Variants in TENM3 observed in about 807,000 individuals in gnomAD.
TENM3 encodes teneurin transmembrane protein 3.
TENM3 carries 63 observed loss-of-function variants against 255.1 expected under a neutral mutation model. The observed-to-expected ratio is 0.25, with a 90% CI of 0.20 to 0.30. TENM3 has a LOEUF of 0.30. Ranked by LOEUF, TENM3 falls within the 10% of genes least tolerant of loss-of-function variation. TENM3 has a pLI of 1.00. For synonymous variants in TENM3, 1,306 were observed against 1,322.3 expected, an observed-to-expected ratio of 0.99 and a Z score of 0.27; for missense variants, 2,929 against 3,461.1, an observed-to-expected ratio of 0.85 and a Z score of 3.86.
chr4:181,454,673 A>ATTTTTATACTTTTTTTTTTTTTT, the TENM3 span, among the ~76,000 whole-genome samples: 4 of 148,106 alleles, frequency 2.7e-5, no homozygotes, highest in South Asian at 2.1e-4. Flanking sequence ...TTTTTATACC[A>ATTTTTATACTTTTTTTTTTTTTT]TTTTTATACT....
chr4:182,724,713 G>T (rs746993927), intron 13 of TENM3, among the ~76,000 whole-genome samples: 8 of 152,214 alleles, frequency 5.3e-5, no homozygotes, highest in Non-Finnish European at 1.0e-4. Flanking sequence ...CCTAAGGGAA[G>T]ACACTGGCAG....
At chr4:182,226,192 G>C (rs1212996888) in intron 1 of TENM3, among the ~76,000 whole-genome samples, 1 of 152,132 alleles carries the variant, frequency 6.6e-6, no homozygotes, top group Non-Finnish European at 1.5e-5. Flanking sequence ...GCCAGGCTGA[G>C]AGAAAGGAAA....
intron 3 of TENM3, among the ~76,000 whole-genome samples, chr4:182,356,327 A>AC: frequency 6.6e-6 from 1 of 152,210 alleles, no homozygotes; most frequent in East Asian, 1.9e-4. Flanking sequence ...ACATAGTGAG[A>AC]CCCCATCTCA....
At chr4:182,660,776 G>A (rs1205317148) in intron 6 of TENM3, among the ~76,000 whole-genome samples, 3 of 152,092 alleles carry the variant, frequency 2.0e-5, no homozygotes, top group Admixed American at 6.6e-5. Flanking sequence ...GATGTGCCAC[G>A]CACTGAGCAA....
chr4:181,892,616 C>G, the TENM3 span, among the ~76,000 whole-genome samples: 7 of 152,160 alleles, frequency 4.6e-5, no homozygotes, highest in Non-Finnish European at 5.9e-5. Flanking sequence ...CCTCTTAGAG[C>G]ACTCCTAGCC....
At chr4:181,788,189 G>T in the TENM3 span, among the ~76,000 whole-genome samples, 3 of 152,096 alleles carry the variant, frequency 2.0e-5, no homozygotes, top group Non-Finnish European at 4.4e-5. Context: ...GAGCTGCTTA[G>T]ATCTAAATCT....
intron 1 of TENM3, among the ~76,000 whole-genome samples, chr4:182,288,919 A>G (rs1484777527): frequency 1.3e-5 from 2 of 152,180 alleles, no homozygotes; most frequent in African/African-American, 4.8e-5. Flanking sequence ...TTAACTGGCC[A>G]CCGATTTTAA....
At chr4:182,241,175 G>T (rs540994488), upstream of TENM3, among the ~76,000 whole-genome samples, 61 of 152,208 alleles carry the variant, frequency 4.0e-4, no homozygotes, top group African/African-American at 1.5e-3. Flanking sequence ...GCTTCTCTCT[G>T]GTTTACCATT....
At chr4:182,058,753 T>C in the TENM3 span, among the ~76,000 whole-genome samples, 1 of 152,160 alleles carries the variant, frequency 6.6e-6, no homozygotes, top group Non-Finnish European at 1.5e-5. Context: ...TAAGAAATTA[T>C]TTAAGGTTCT....
intron 12 of TENM3, among the ~76,000 whole-genome samples, chr4:182,694,445 A>G (rs10780065): frequency 0.24 from 36,226 of 152,030 alleles, 5,170 homozygotes; most frequent in East Asian, 0.69. Context: ...TGATGATGAA[A>G]GAAAGGTGGA....
At chr4:182,467,319 GA>G (rs567328976) in intron 3 of TENM3, among the ~76,000 whole-genome samples, 140 of 148,212 alleles carry the variant, frequency 9.4e-4, no homozygotes, top group Admixed American at 3.3e-3. Flanking sequence ...TGAACTTTAT[GA>G]TTGTCAACAA....
chr4:182,716,279 A>G (rs769653315), intron 13 of TENM3, among the ~76,000 whole-genome samples: 1 of 152,228 alleles, frequency 6.6e-6, no homozygotes, highest in Non-Finnish European at 1.5e-5. Context: ...AAGTCTGCAG[A>G]GACACTGCCG....
chr4:181,940,360 G>A, the TENM3 span, among the ~76,000 whole-genome samples: 1 of 152,046 alleles, frequency 6.6e-6, no homozygotes, highest in East Asian at 1.9e-4. Context: ...CTCATACAGT[G>A]TACACATATT....
intron 22 of TENM3, 144 bp downstream of exon 22, chr4:182,755,403 A>G (rs773164274): frequency 7.0e-5 from 55 of 781,902 alleles, no homozygotes; most frequent in Non-Finnish European, 1.0e-4. Flanking sequence ...CCGGCTGGGC[A>G]CGGTGGCTCA....
the TENM3 span, among the ~76,000 whole-genome samples, chr4:181,633,974 A>G: frequency 6.6e-6 from 1 of 152,212 alleles, no homozygotes; most frequent in African/African-American, 2.4e-5. Flanking sequence ...CTCCTCTTTC[A>G]CCTTCTTCCA....
the TENM3 span, among the ~76,000 whole-genome samples, chr4:181,610,990 C>G: frequency 6.6e-6 from 1 of 152,262 alleles, no homozygotes; most frequent in African/African-American, 2.4e-5. Flanking sequence ...CAACTGACCT[C>G]AAGTTTGTTA....
the TENM3 span, among the ~76,000 whole-genome samples, chr4:181,670,890 A>C: frequency 6.6e-6 from 1 of 152,356 alleles, no homozygotes; most frequent in South Asian, 2.1e-4. Context: ...AGCAGAAAAA[A>C]GCCAGCATTG....
intron 17 of TENM3, among the ~76,000 whole-genome samples, chr4:182,737,821 A>AT (rs768637027): frequency 1.3e-5 from 2 of 152,154 alleles, no homozygotes; most frequent in Admixed American, 6.5e-5. Context: ...TTCTCCTTTC[A>AT]TTTTTTCTCA....
chr4:182,100,874 T>TATATATATATATACTCATATATATAC, the TENM3 span, among the ~76,000 whole-genome samples: 1 of 39,564 alleles, frequency 2.5e-5, no homozygotes, highest in African/African-American at 1.5e-4. Flanking sequence ...TATATATATA[T>TATATATATATATACTCATATATATAC]AGAGAGAGAG....
Sources: allele counts gnomAD v4.1 joint callset (sites outside exome capture counted in the v4.1 genomes callset), GRCh38; gene constraint gnomAD v4.1.1; transcripts MANE v1.5; gene names NCBI Gene and HGNC (gene_info 2026-07-23, HGNC 2026-07-21).